The following DAZL variants were observed in gnomAD, a reference collection of about 807,000 sequenced individuals.
DAZL encodes deleted in azoospermia-like.
In DAZL, 4 loss-of-function variants were observed where a neutral mutation model predicts 45.0. The observed-to-expected ratio is 0.09, with a 90% CI of 0.04 to 0.20. DAZL has a LOEUF of 0.20. Among genes scored for constraint, DAZL ranks in the 10% least tolerant of loss-of-function variants. The pLI, the probability that DAZL is intolerant of heterozygous loss-of-function variation, is 1.00. For synonymous variants in DAZL, 122 were observed against 112.4 expected (o/e 1.09, Z -0.54); for missense variants, 326 against 351.3 (o/e 0.93, Z 0.58).
chr3:16,595,143 T>C (rs1187093974), intron 7 of DAZL, among the ~76,000 whole-genome samples, 171 bp downstream of exon 7: 1 of 152,106 alleles, frequency 6.6e-6, no homozygotes, highest in Non-Finnish European at 1.5e-5. Context: ...CAAAATATTA[T>C]TCCATTACTT....
rs1694555227 is a variant in DAZL, at chr3:16,593,680, G to A, written c.710C>T (p.Pro237Leu). The stretch of plus-strand genomic sequence containing the variant: ...CTTTTGTGGGCCATTTCCAGAGGGT[G>A]GAGTAGCTTCATGAACTGAACATTC... ...PNECSVHEAT[P>L]PSGNGPQKKS... Residue 237 changes from proline (P) to leucine (L), a missense_variant, in exon 9 of 11, where the codon CCA (proline) becomes CTA (leucine). By Grantham distance (98) the Pro-to-Leu change is moderately conservative. Coordinates refer to ENST00000399444, the MANE Select transcript of DAZL (RefSeq NM_001351.4). 6.2e-7 allele frequency: 1 copy of A among 1,610,694 alleles called. No homozygotes were observed. Among genetic ancestry groups the A allele is most frequent in the Non-Finnish European group, 8.5e-7 (1 of 1,177,872 alleles).
At chr3:16,605,143 G>C in intron 1 of DAZL, 60 bp downstream of exon 1, 1 of 1,609,042 alleles carries the variant, frequency 6.2e-7, no homozygotes, top group Non-Finnish European at 8.5e-7. Context: ...GCAGAGCCGA[G>C]TTTCACCCAC....
intron 3 of DAZL, 70 bp downstream of exon 3, chr3:16,598,017 C>A: frequency 7.4e-7 from 1 of 1,353,434 alleles, no homozygotes; most frequent in Non-Finnish European, 1.0e-6. Flanking sequence ...TGTCAGAATA[C>A]CAATTTTGAA....
At chr3:16,595,172 T>G in intron 7 of DAZL, 142 bp downstream of exon 7, 1 of 522,778 alleles carries the variant, frequency 1.9e-6, no homozygotes, top group African/African-American at 1.9e-5. Context: ...TAAAGAGGTC[T>G]TAATTCTAGA....
chr3:16,604,746 G>A (rs915854190), intron 1 of DAZL: 6 of 1,362,944 alleles, frequency 4.4e-6, no homozygotes, highest in Non-Finnish European at 5.6e-6. Context: ...GCCACGGGGA[G>A]AGCGCGCCAG....
chr3:16,597,077 A>G, intron 4 of DAZL, 26 bp from the exon 5 acceptor site: 1 of 1,601,872 alleles, frequency 6.2e-7, no homozygotes, highest in Non-Finnish European at 8.5e-7. Context: ...TAACAAAACT[A>G]GAATCAATTT....
At chr3:16,605,129 C>T in intron 1 of DAZL, 74 bp downstream of exon 1, 2 of 1,591,614 alleles carry the variant, frequency 1.3e-6, no homozygotes, top group East Asian at 2.2e-5. Flanking sequence ...CACTTTCCGA[C>T]CCTGCAGAGC....
chr3:16,604,600 C>G, intron 1 of DAZL: 1 of 1,389,646 alleles, frequency 7.2e-7, no homozygotes, highest in South Asian at 1.8e-5. Flanking sequence ...CGCCCCACAC[C>G]CCACGCTGAG....
At chr3:16,589,195 G>A (rs1694482003) in intron 10 of DAZL, among the ~76,000 whole-genome samples, 1 of 152,132 alleles carries the variant, frequency 6.6e-6, no homozygotes, top group Non-Finnish European at 1.5e-5. Flanking sequence ...ATTAACCTGT[G>A]AAGATGTATT....
chr3:16,594,378 G>T (rs2125045043), intron 8 of DAZL, among the ~76,000 whole-genome samples, 155 bp downstream of exon 8: 1 of 151,258 alleles, frequency 6.6e-6, no homozygotes, highest in East Asian at 1.9e-4. Flanking sequence ...TTTCTAACTG[G>T]GTTAAAAAGA....
At position 16,605,415 on chromosome 3, in the gene DAZL, A is replaced by C; in HGVS notation, c.-210T>G. 4.7e-6 allele frequency: 3 copies of C among 643,156 alleles called. No individual in the cohort carries two copies. The highest frequency in any genetic ancestry group is 8.4e-6 in the Non-Finnish European group (3 of 358,230). 39.8% of individuals were successfully genotyped at this position (643,156 alleles called of 1,614,324 possible). ...GGCGGACCGTCAGGCTGAGGAGCGC[A>C]GGCGGACTGAGGCGTGGTCCGCGGG... On this transcript the variant is annotated 5_prime_UTR_variant, in exon 1 of 11. Transcript: ENST00000399444.
rs186192393 is a variant in DAZL, at chr3:16,605,132, T to C, written c.3+71A>G. ...CGAGGATGACTTCACTTTCCGACCC[T>C]GCAGAGCCGAGTTTCACCCACGAGT... On this transcript the variant is annotated intron_variant, in intron 1 of 10. Coordinates refer to ENST00000399444, the MANE Select transcript of DAZL (RefSeq NM_001351.4). The C allele has an allele frequency of 1.1e-4, 178 of 1,599,014 alleles. No individual in the cohort carries two copies. In the African/African-American group the frequency reaches 1.3e-3, roughly 12 times the overall value.
chr3:16,591,134 A>C (rs1476872867), intron 10 of DAZL, among the ~76,000 whole-genome samples: 1 of 152,158 alleles, frequency 6.6e-6, no homozygotes, highest in Non-Finnish European at 1.5e-5. Context: ...ATAGACTTAG[A>C]ACTACAGGGA....
At chr3:16,603,896 A>AT (rs1435115099) in intron 1 of DAZL, among the ~76,000 whole-genome samples, 1 of 152,178 alleles carries the variant, frequency 6.6e-6, no homozygotes, top group Non-Finnish European at 1.5e-5. Context: ...TTTAACGGTT[A>AT]TAAGTGTTGG....
rs766644160 is a variant in DAZL, at chr3:16,596,816, A to C, written c.432T>G (p.Thr144=). Reference sequence around the variant, plus strand: ...GCATATAAGTTTCAGTGTTTGGATTAGTCCAGACATTCTGAAACTGTGGTG... The same window carrying C: ...GCATATAAGTTTCAGTGTTTGGATTCGTCCAGACATTCTGAAACTGTGGTG... ...PPPPQFQNVW[T]NPNTETYMQP... Residue 144 remains threonine, a synonymous_variant, in exon 6 of 11, where the codon ACT becomes ACG. Transcript: ENST00000399444. 1.4e-5 allele frequency: 23 copies of C among 1,613,668 alleles called. No homozygotes were observed. The highest frequency in any genetic ancestry group is 1.7e-5 in the Admixed American group (1 of 59,996).
intron 9 of DAZL, 151 bp from the exon 10 acceptor site, chr3:16,592,299 G>T: frequency 8.3e-7 from 1 of 1,204,592 alleles, no homozygotes; most frequent in Non-Finnish European, 1.2e-6. Context: ...GCTCACGCCT[G>T]TAATCCCAGC....
At chr3:16,603,815 T>C (rs181886083) in intron 1 of DAZL, among the ~76,000 whole-genome samples, 4 of 152,244 alleles carry the variant, frequency 2.6e-5, no homozygotes, top group Admixed American at 6.5e-5. Context: ...GGTGTAACTC[T>C]TGTAAAAGTT....
At chr3:16,593,855 CA>C in intron 8 of DAZL, 87 bp from the exon 9 acceptor site, 1 of 798,338 alleles carries the variant, frequency 1.3e-6, no homozygotes, top group South Asian at 1.8e-5. Flanking sequence ...AAGCTGGTAT[CA>C]AAAGTTTCAA....
At chr3:16,597,093 T>A (rs368181826) in intron 4 of DAZL, 42 bp from the exon 5 acceptor site, 2 of 1,579,112 alleles carry the variant, frequency 1.3e-6, no homozygotes, top group Non-Finnish European at 1.7e-6. Context: ...AATTTTCAAG[T>A]CTTTACTTCC....
Sources: allele counts gnomAD v4.1 joint callset (sites outside exome capture counted in the v4.1 genomes callset), GRCh38; gene constraint gnomAD v4.1.1; transcripts MANE v1.5; gene names NCBI Gene and HGNC (gene_info 2026-07-23, HGNC 2026-07-21).